CCDC33: variants seen among roughly 807,000 people sequenced by gnomAD.
CCDC33 encodes the protein coiled-coil domain-containing protein 33.
A neutral mutation model predicts 91.9 loss-of-function variants in CCDC33; 94 were observed. The observed-to-expected ratio is 1.02, with a 90% confidence interval of 0.87 to 1.21. The LOEUF (loss-of-function observed/expected upper bound fraction) is 1.21. Among genes scored for constraint, CCDC33 ranks in the 50% most tolerant of loss-of-function variants. The pLI, the probability that CCDC33 is intolerant of heterozygous loss-of-function variation, is 0.00. For synonymous variants in CCDC33, 396 were observed against 374.5 expected (o/e 1.06, Z -0.66); for missense variants, 940 against 935.5 (o/e 1.00, Z -0.06).
intron 15 of CCDC33, 110 bp downstream of exon 15, chr15:74,331,406 C>A: frequency 2.8e-6 from 3 of 1,088,756 alleles, no homozygotes; most frequent in Non-Finnish European, 4.0e-6. Flanking sequence ...AGGTCCCCTG[C>A]ACTCAGTTAT....
chr15:74,289,747 A>G (rs1217089832), intron 10 of CCDC33, among the ~76,000 whole-genome samples: 1 of 151,900 alleles, frequency 6.6e-6, no homozygotes, highest in Non-Finnish European at 1.5e-5. Flanking sequence ...AGATGGTGCC[A>G]CTACACCCCA....
chr15:74,267,158 C>T (rs1010112192), intron 4 of CCDC33, among the ~76,000 whole-genome samples: 39 of 152,380 alleles, frequency 2.6e-4, no homozygotes, highest in African/African-American at 9.1e-4. Flanking sequence ...AGACATTTCA[C>T]ACCCCCTCTC....
upstream of CCDC33, among the ~76,000 whole-genome samples, chr15:74,231,792 G>C (rs531321639): frequency 6.6e-6 from 1 of 152,274 alleles, no homozygotes; most frequent in South Asian, 2.1e-4. Flanking sequence ...GAGGCGGGTG[G>C]ATCACTTGAG....
At chr15:74,234,970 G>T (rs1176936007), upstream of CCDC33, among the ~76,000 whole-genome samples, 5 of 152,242 alleles carry the variant, frequency 3.3e-5, no homozygotes, top group African/African-American at 1.2e-4. Flanking sequence ...CCCTGAACCT[G>T]CTGCCCTAGC....
intron 1 of CCDC33, among the ~76,000 whole-genome samples, chr15:74,236,977 C>G (rs2075181376): frequency 6.6e-6 from 1 of 152,236 alleles, no homozygotes; most frequent in African/African-American, 2.4e-5. Context: ...GTTGTCAATG[C>G]TGACCACCCT....
chr15:74,270,611 A>C (rs888791507), intron 5 of CCDC33, among the ~76,000 whole-genome samples: 1 of 152,088 alleles, frequency 6.6e-6, no homozygotes, highest in Non-Finnish European at 1.5e-5. Context: ...GAGCAAGAGG[A>C]ATGAGAGCCG....
At chr15:74,245,205 A>G (rs1199127949) in intron 2 of CCDC33, among the ~76,000 whole-genome samples, 2 of 152,132 alleles carry the variant, frequency 1.3e-5, no homozygotes, top group South Asian at 2.1e-4. Flanking sequence ...TCAACAATGC[A>G]TCCAACATAG....
At chr15:74,209,321 G>A (rs901003424) in intron 1 of CCDC33, 1 of 1,493,196 alleles carries the variant, frequency 6.7e-7, no homozygotes, top group African/African-American at 1.4e-5. Flanking sequence ...AGTTTCCCCA[G>A]ATGTGGCCTT....
At chr15:74,273,008 C>A in intron 7 of CCDC33, 117 bp downstream of exon 7, 2 of 1,340,270 alleles carry the variant, frequency 1.5e-6, no homozygotes, top group Non-Finnish European at 2.1e-6. Context: ...TTGACTGAAT[C>A]CCACGGCATA....
At chr15:74,272,284 C>A (rs967316124) in intron 6 of CCDC33, among the ~76,000 whole-genome samples, 1 of 152,156 alleles carries the variant, frequency 6.6e-6, no homozygotes, top group African/African-American at 2.4e-5. Flanking sequence ...CCCTGCCGGG[C>A]GGAGTCTCCT....
Position 74,209,430 on chromosome 15 carries a change from C to T in CCDC33, n.132C>T, listed in dbSNP as rs575482209. The T allele has an allele frequency of 5.7e-5, 88 of 1,535,570 alleles. No homozygotes were observed. In the East Asian group the frequency reaches 1.5e-3, roughly 26 times the overall value. On this transcript the variant is annotated non_coding_transcript_exon_variant, in exon 2 of 4. Transcript: ENST00000558645. ...AATTGCCAGAGGGGAACCACCAGCT[C>T]GGCTCTTAATAACCGGATCTGCATC...
At chr15:74,233,727 T>A (rs1163133043), upstream of CCDC33, among the ~76,000 whole-genome samples, 1 of 152,224 alleles carries the variant, frequency 6.6e-6, no homozygotes, top group Non-Finnish European at 1.5e-5. Flanking sequence ...TTAAGAGCTT[T>A]ACCTGCGTGG....
chr15:74,335,084 A>G lies in CCDC33; in HGVS notation c.2135A>G (p.Gln712Arg). 2.5e-6 allele frequency: 4 copies of G among 1,612,298 alleles called. 1 individual carries two copies. The South Asian group carries it at 4.4e-5, about 18-fold the overall frequency. The change falls in exon 18 of 19, where the codon CAG (glutamine) becomes CGG (arginine). Residue 712 changes from glutamine to arginine, a missense_variant. Coordinates refer to ENST00000398814, the MANE Select transcript of CCDC33 (RefSeq NM_025055.5). ...RHPSNSIIIE[Q>R]PSALTHSMDL... Reference sequence around the variant, plus strand: ...CCCTCGAACTCCATCATCATAGAACAGCCTGTGAGTGACCCCCCTGGAGTA... The same window carrying G: ...CCCTCGAACTCCATCATCATAGAACGGCCTGTGAGTGACCCCCCTGGAGTA...
intron 10 of CCDC33, among the ~76,000 whole-genome samples, chr15:74,285,652 C>T (rs1050111518): frequency 1.3e-5 from 2 of 151,810 alleles, no homozygotes; most frequent in Non-Finnish European, 2.9e-5. Flanking sequence ...ATAACAAAGC[C>T]TGCAGACTCA....
intron 2 of CCDC33, among the ~76,000 whole-genome samples, chr15:74,253,940 C>A (rs1002723764): frequency 1.3e-5 from 2 of 151,774 alleles, no homozygotes; most frequent in African/African-American, 2.4e-5. Context: ...GGTTCAAACT[C>A]CCGGCCTCAA....
chr15:74,312,489 A>T (rs2060010669), intron 11 of CCDC33, among the ~76,000 whole-genome samples: 1 of 152,152 alleles, frequency 6.6e-6, no homozygotes, highest in Non-Finnish European at 1.5e-5. Flanking sequence ...CCAGCGAGAC[A>T]TCGGTAAGTG....
chr15:74,241,371 G>A (rs1007881838), intron 1 of CCDC33, among the ~76,000 whole-genome samples: 1 of 152,242 alleles, frequency 6.6e-6, no homozygotes, highest in African/African-American at 2.4e-5. Context: ...GCACAGGGAT[G>A]ACAGTTCTGG....
intron 15 of CCDC33, among the ~76,000 whole-genome samples, chr15:74,331,693 T>TTCTGCC (rs1227735135): frequency 6.6e-6 from 1 of 152,202 alleles, no homozygotes; most frequent in Non-Finnish European, 1.5e-5. Flanking sequence ...CCGCCAAAGA[T>TTCTGCC]TCTGCCTCTG....
intron 11 of CCDC33, among the ~76,000 whole-genome samples, chr15:74,323,699 T>C (rs1260810573): frequency 6.6e-6 from 1 of 152,092 alleles, no homozygotes. Flanking sequence ...GGCTATTTTT[T>C]GGGCTTTTGT....
Sources: allele counts gnomAD v4.1 joint callset (sites outside exome capture counted in the v4.1 genomes callset), GRCh38; gene constraint gnomAD v4.1.1; transcripts MANE v1.5; gene names NCBI Gene and HGNC (gene_info 2026-07-23, HGNC 2026-07-21).